Variants in ARMH3 observed in about 807,000 individuals in gnomAD.
ARMH3 encodes the protein armadillo-like helical domain-containing protein 3.
Under a neutral mutation model 99.1 loss-of-function variants are expected in ARMH3, and 60 were observed. The observed-to-expected ratio is 0.61, with a 90% CI of 0.49 to 0.75. The LOEUF is 0.75. Ranked by LOEUF, ARMH3 falls within the 30% of genes least tolerant of loss-of-function variation. The pLI, the probability that ARMH3 is intolerant of heterozygous loss-of-function variation, is 0.00. For synonymous variants in ARMH3, 285 were observed against 292.8 expected (o/e 0.97, Z 0.27); for missense variants, 679 against 843.1 (o/e 0.81, Z 2.41).
chr10:101,996,661 T>C (rs893520753), intron 15 of ARMH3, among the ~76,000 whole-genome samples: 2 of 149,816 alleles, frequency 1.3e-5, no homozygotes, highest in Non-Finnish European at 3.0e-5. Context: ...CCACTTAAAA[T>C]TTTTTTTAAT....
At chr10:101,849,317 G>C (rs2066531665) in intron 25 of ARMH3, among the ~76,000 whole-genome samples, 1 of 152,208 alleles carries the variant, frequency 6.6e-6, no homozygotes, top group Non-Finnish European at 1.5e-5. Flanking sequence ...ATGGCTCCAA[G>C]TGCCCAAGGG....
intron 23 of ARMH3, among the ~76,000 whole-genome samples, chr10:101,937,967 G>C (rs897942521): frequency 2.0e-5 from 3 of 152,128 alleles, no homozygotes; most frequent in African/African-American, 7.2e-5. Context: ...GGGCTCAAAT[G>C]ATCCTCCCAC....
intron 16 of ARMH3, among the ~76,000 whole-genome samples, chr10:101,993,977 T>C (rs1231082591): frequency 6.6e-6 from 1 of 152,232 alleles, no homozygotes. Context: ...GCTGCAGGAT[T>C]CATGTGCAGG....
intron 22 of ARMH3, among the ~76,000 whole-genome samples, chr10:101,951,879 AAAG>A (rs1326325584): frequency 1.7e-4 from 26 of 151,096 alleles, no homozygotes; most frequent in East Asian, 5.9e-4. Context: ...AAAAAAAAAA[AAAG>A]AAGAAGAAGA....
chr10:101,924,634 C>T (rs887443607), intron 23 of ARMH3, among the ~76,000 whole-genome samples: 5 of 151,604 alleles, frequency 3.3e-5, no homozygotes, highest in South Asian at 4.2e-4. Context: ...GGATTATAGG[C>T]GTGAGCCACC....
intron 15 of ARMH3, among the ~76,000 whole-genome samples, chr10:101,996,122 G>A (rs1449185214): frequency 1.3e-5 from 2 of 152,210 alleles, no homozygotes; most frequent in East Asian, 3.8e-4. Flanking sequence ...TGCCAAGTAC[G>A]AGAACCCATC....
chr10:101,913,927 A>C (rs1227259691), intron 23 of ARMH3, among the ~76,000 whole-genome samples: 4 of 152,156 alleles, frequency 2.6e-5, no homozygotes, highest in Non-Finnish European at 5.9e-5. Flanking sequence ...GTACAGCAGG[A>C]TTGTACCCTG....
intron 1 of ARMH3, among the ~76,000 whole-genome samples, chr10:102,047,825 T>C (rs1564884716): frequency 6.6e-6 from 1 of 152,168 alleles, no homozygotes; most frequent in Non-Finnish European, 1.5e-5. Flanking sequence ...AGATCAGTGA[T>C]TCTCAACTGG....
chr10:101,879,190 G>A (rs971157381), intron 24 of ARMH3, among the ~76,000 whole-genome samples: 1 of 152,046 alleles, frequency 6.6e-6, no homozygotes, highest in Non-Finnish European at 1.5e-5. Context: ...ATATGCCCCA[G>A]CCTGATAAAA....
intron 1 of ARMH3, among the ~76,000 whole-genome samples, chr10:102,050,594 A>C (rs2067677290): frequency 6.6e-6 from 1 of 152,250 alleles, no homozygotes; most frequent in Non-Finnish European, 1.5e-5. Context: ...GTGGTGGCTC[A>C]AGTCGGTAAT....
At chr10:101,852,657 G>A (rs2066630819) in intron 24 of ARMH3, among the ~76,000 whole-genome samples, 1 of 151,916 alleles carries the variant, frequency 6.6e-6, no homozygotes, top group Admixed American at 6.5e-5. Flanking sequence ...GCTGAGGCAG[G>A]AGAATTGCTT....
intron 1 of ARMH3, 31 bp from the exon 2 acceptor site, chr10:102,040,156 T>C: frequency 1.3e-6 from 2 of 1,541,268 alleles, no homozygotes; most frequent in East Asian, 2.2e-5. Context: ...TTTAGAATAG[T>C]GAAAATACTC....
chr10:101,987,590 A>G (rs1378854307), intron 19 of ARMH3, among the ~76,000 whole-genome samples: 1 of 152,160 alleles, frequency 6.6e-6, no homozygotes, highest in East Asian at 1.9e-4. Context: ...CCCTTTCCAC[A>G]TTGCAACAGG....
intron 19 of ARMH3, among the ~76,000 whole-genome samples, chr10:101,985,112 C>CACAA (rs1554883043): frequency 1.4e-5 from 2 of 145,338 alleles, no homozygotes; most frequent in Non-Finnish European, 3.0e-5. Flanking sequence ...CACACACACA[C>CACAA]GTGTACATAT....
chr10:102,056,168 G>GCT lies in ARMH3; in HGVS notation c.-97_-96dup, dbSNP rs909155031. On this transcript the variant is annotated 5_prime_UTR_variant, in exon 1 of 26. Coordinates refer to ENST00000370033, the MANE Select transcript of ARMH3 (RefSeq NM_024541.3). Reference sequence around the variant, plus strand: ...GCCACCGACGCTGCCGCTGCTCCGGGCTCACGGGCGCGCTCCCGACCTCCC... The same window carrying GCT: ...GCCACCGACGCTGCCGCTGCTCCGGGCTCTCACGGGCGCGCTCCCGACCTCCC... The GCT allele has an allele frequency of 2.6e-5, 4 of 152,178 alleles. No homozygotes were observed. The highest frequency in any genetic ancestry group is 6.5e-5 in the Admixed American group (1 of 15,268). 9.4% of individuals were successfully genotyped at this position (152,178 alleles called of 1,614,324 possible).
At chr10:101,964,467 T>G (rs1845448022) in intron 20 of ARMH3, among the ~76,000 whole-genome samples, 1 of 152,014 alleles carries the variant, frequency 6.6e-6, no homozygotes, top group Non-Finnish European at 1.5e-5. Context: ...AGCCAAAAGG[T>G]GGAAGCAACC....
At chr10:101,957,293 A>G (rs566354875) in intron 21 of ARMH3, among the ~76,000 whole-genome samples, 1 of 152,388 alleles carries the variant, frequency 6.6e-6, no homozygotes, top group African/African-American at 2.4e-5. Context: ...TCCCTCAGAA[A>G]CCAAGTGCAG....
At chr10:101,870,163 T>C (rs976623353) in intron 24 of ARMH3, among the ~76,000 whole-genome samples, 2 of 152,212 alleles carry the variant, frequency 1.3e-5, no homozygotes, top group African/African-American at 2.4e-5. Context: ...ACATTACTCA[T>C]ATCATGAATT....
At chr10:101,853,050 AT>A (rs747143889) in intron 24 of ARMH3, among the ~76,000 whole-genome samples, 3,600 of 129,534 alleles carry the variant, frequency 0.028, 48 homozygotes, top group Non-Finnish European at 0.038. Context: ...TGCTTGGCTA[AT>A]TTTTTTTTTT....
Sources: gnomAD v4.1 joint callset for allele counts (sites outside exome capture counted in the v4.1 genomes callset) on GRCh38, gnomAD v4.1.1 for gene constraint, MANE v1.5 for transcripts, NCBI Gene and HGNC (gene_info 2026-07-23, HGNC 2026-07-21) for gene names.